Variants in SLC35F3 observed in about 807,000 individuals in gnomAD.
The protein encoded by SLC35F3 is putative thiamine transporter SLC35F3.
A neutral mutation model predicts 49.9 loss-of-function variants in SLC35F3; 25 were observed. That is an observed-to-expected ratio of 0.50 (90% CI 0.37 to 0.70). SLC35F3 has a LOEUF of 0.70. SLC35F3 is among the 30% of genes least tolerant of loss of function. The pLI, the probability that SLC35F3 is intolerant of heterozygous loss-of-function variation, is 0.00. For synonymous variants in SLC35F3, 275 were observed against 265.4 expected, an observed-to-expected ratio of 1.04 and a Z score of -0.35; for missense variants, 525 against 639.8, an observed-to-expected ratio of 0.82 and a Z score of 1.94.
At chr1:234,301,124 G>A (rs1352932215) in intron 3 of SLC35F3, among the ~76,000 whole-genome samples, 1 of 152,118 alleles carries the variant, frequency 6.6e-6, no homozygotes, top group East Asian at 1.9e-4. Context: ...AGGCAAGGGT[G>A]GTATCAGATT....
chr1:234,066,721 C>G (rs1408336492), intron 2 of SLC35F3, among the ~76,000 whole-genome samples: 1 of 151,604 alleles, frequency 6.6e-6, no homozygotes, highest in Admixed American at 6.6e-5. Context: ...CTCTCTCTCT[C>G]TTTCCCTCCC....
At chr1:234,284,067 G>A (rs534261926) in intron 3 of SLC35F3, among the ~76,000 whole-genome samples, 57 of 152,142 alleles carry the variant, frequency 3.7e-4, no homozygotes, top group African/African-American at 1.3e-3. Context: ...CACCACACCT[G>A]ACTAATTTTT....
chr1:234,083,466 A>G (rs12128887), intron 2 of SLC35F3, among the ~76,000 whole-genome samples: 23,636 of 152,182 alleles, frequency 0.16, 2,420 homozygotes, highest in Non-Finnish European at 0.23. Flanking sequence ...GAGTTGTTCC[A>G]TTCTATAGTA....
chr1:234,109,638 G>A (rs1054757844), intron 2 of SLC35F3, among the ~76,000 whole-genome samples: 2 of 151,900 alleles, frequency 1.3e-5, no homozygotes, highest in Non-Finnish European at 2.9e-5. Flanking sequence ...TGAACACTTA[G>A]GGAGGGACTA....
chr1:234,050,062 A>T (rs1664351882), intron 2 of SLC35F3, among the ~76,000 whole-genome samples: 1 of 152,188 alleles, frequency 6.6e-6, no homozygotes, highest in South Asian at 2.1e-4. Context: ...GTTGGTTCCA[A>T]GTCTTTGCTA....
chr1:233,957,221 A>G lies in SLC35F3; in HGVS notation c.283+51463A>G, dbSNP rs1000611048. ...GTGGGAGGAGATTGTTTTATGTCAG[A>G]TATGAAATTGGATTTTTGAACTGGA... On this transcript the variant is annotated intron_variant, in intron 2 of 7. Coordinates refer to ENST00000366618, the MANE Select transcript of SLC35F3 (RefSeq NM_173508.4). The surrounding 1 kb of genome is among the most constrained non-coding windows in gnomAD (Gnocchi z 4.0). Among the ~76,000 whole-genome samples the G allele has an allele frequency of 2.1e-4, 32 of 152,214 alleles. No homozygotes were observed. The highest frequency in any genetic ancestry group is 1.0e-4 in the Non-Finnish European group (7 of 68,034).
chr1:234,222,548 C>G (rs1473575356), intron 2 of SLC35F3, among the ~76,000 whole-genome samples: 2 of 152,212 alleles, frequency 1.3e-5, no homozygotes, highest in Non-Finnish European at 2.9e-5. Flanking sequence ...CCATACTCCC[C>G]CATCCCCCCA....
chr1:234,224,974 T>A (rs1030345525), intron 2 of SLC35F3, among the ~76,000 whole-genome samples: 1 of 152,214 alleles, frequency 6.6e-6, no homozygotes, highest in Non-Finnish European at 1.5e-5. Flanking sequence ...ATTATGTTCT[T>A]TCCCTGGAAC....
chr1:234,223,632 T>C (rs1039912803), intron 2 of SLC35F3, among the ~76,000 whole-genome samples: 6 of 152,180 alleles, frequency 3.9e-5, no homozygotes, highest in South Asian at 2.1e-4. Flanking sequence ...ATTCTCCTAA[T>C]AGGTTATCAA....
chr1:234,273,400 C>A (rs1013860252), intron 3 of SLC35F3, among the ~76,000 whole-genome samples: 8 of 152,194 alleles, frequency 5.3e-5, no homozygotes, highest in African/African-American at 1.4e-4. Flanking sequence ...GGCAACCCCC[C>A]TCCCACGAGC....
At chr1:233,930,936 C>T (rs1459716688) in intron 2 of SLC35F3, among the ~76,000 whole-genome samples, 1 of 152,116 alleles carries the variant, frequency 6.6e-6, no homozygotes, top group Admixed American at 6.5e-5. Context: ...GGTACCAAAA[C>T]AGATATATAG....
At chr1:234,199,635 T>A (rs1666871722) in intron 2 of SLC35F3, among the ~76,000 whole-genome samples, 1 of 152,090 alleles carries the variant, frequency 6.6e-6, no homozygotes, top group South Asian at 2.1e-4. Context: ...GCAAAAACAG[T>A]CATATGGGAT....
intron 3 of SLC35F3, among the ~76,000 whole-genome samples, chr1:234,269,724 C>G (rs937307728): frequency 2.6e-5 from 4 of 152,088 alleles, no homozygotes; most frequent in African/African-American, 9.7e-5. Flanking sequence ...GAGTTGTCAC[C>G]CTGTTAGTTC....
rs1572094345 is a variant in SLC35F3 at position 234,205,868 on chromosome 1, C to T, written c.284-25549C>T. 2.0e-5 allele frequency among the ~76,000 whole-genome samples: 3 copies of T among 152,272 alleles called. No homozygotes were observed. In the East Asian group the frequency reaches 5.8e-4, roughly 29 times the overall value. On this transcript the variant is annotated intron_variant, in intron 2 of 7. Transcript: ENST00000366618. ...ATAGCAGAAGACACTCCCCAAGAGG[C>T]TCCTCTTGCCTGAGATGACCAGGGG...
intron 2 of SLC35F3, among the ~76,000 whole-genome samples, chr1:234,161,705 C>A (rs1403788121): frequency 6.6e-6 from 1 of 152,122 alleles, no homozygotes; most frequent in Non-Finnish European, 1.5e-5. Context: ...ACTAAGGAGG[C>A]TGAGGTGGGA....
chr1:234,308,030 C>A (rs1196802861), intron 3 of SLC35F3, among the ~76,000 whole-genome samples: 4 of 152,174 alleles, frequency 2.6e-5, no homozygotes, highest in Non-Finnish European at 4.4e-5. Flanking sequence ...ATCCTTCCCC[C>A]TAGACTCTAG....
chr1:233,909,109 G>A (rs1661827109), intron 2 of SLC35F3, among the ~76,000 whole-genome samples: 1 of 152,108 alleles, frequency 6.6e-6, no homozygotes, highest in Admixed American at 6.6e-5. Context: ...TGCCCTCCTC[G>A]GCCTCCCAAA....
intron 2 of SLC35F3, among the ~76,000 whole-genome samples, chr1:234,147,230 C>CTTTTT (rs201359916): frequency 1.6e-5 from 2 of 125,096 alleles, no homozygotes; most frequent in Non-Finnish European, 3.4e-5. Flanking sequence ...TTTCTATTTT[C>CTTTTT]TTTTTTTTTT....
At position 234,309,290 on chromosome 1, in the gene SLC35F3, C is replaced by A; in HGVS notation, c.798C>A (p.Ile266=). The change falls in exon 4 of 8, where the codon ATC becomes ATA. Residue 266 remains isoleucine, a synonymous_variant. Coordinates refer to ENST00000366618, the MANE Select transcript of SLC35F3 (RefSeq NM_173508.4). The stretch of plus-strand genomic sequence containing the variant: ...CTTTTGTGTTCTTGCTCTCATGGAT[C>A]GTTCTCAGGGACAGATTCATGGGAG... ...NKAFVFLLSW[I]VLRDRFMGVR... 1 of 1,614,186 alleles carries A rather than the reference C, an allele frequency of 6.2e-7. No homozygotes were observed. Among genetic ancestry groups the A allele is most frequent in the South Asian group, 1.1e-5 (1 of 91,066 alleles).
Sources: allele counts gnomAD v4.1 joint callset (sites outside exome capture counted in the v4.1 genomes callset), GRCh38; gene constraint gnomAD v4.1.1; non-coding constraint Gnocchi (gnomAD v3.1); transcripts MANE v1.5; gene names NCBI Gene and HGNC (gene_info 2026-07-23, HGNC 2026-07-21).